Variants in CNTN4 observed in about 807,000 individuals in gnomAD.
CNTN4 encodes the protein contactin-4.
In CNTN4, 77 loss-of-function variants were observed where a neutral mutation model predicts 122.5. That is an observed-to-expected ratio of 0.63 (90% confidence interval 0.52 to 0.76). The LOEUF (loss-of-function observed/expected upper bound fraction) is 0.76, where lower values mean the gene tolerates loss of function less well. Ranked by LOEUF, CNTN4 falls within the 30% of genes least tolerant of loss-of-function variation. The pLI is 0.00. For missense variants in CNTN4, 1,256 were observed against 1,259.1 expected, an observed-to-expected ratio of 1.00 and a Z score of 0.04; for synonymous variants, 512 against 447.0, an observed-to-expected ratio of 1.15 and a Z score of -1.83.
chr3:2,781,480 A>C (rs1362450845), intron 6 of CNTN4, among the ~76,000 whole-genome samples: 1 of 152,104 alleles, frequency 6.6e-6, no homozygotes, highest in African/African-American at 2.4e-5. Flanking sequence ...GAATGTTAAT[A>C]TATTAATTGA....
At chr3:2,774,115 G>A (rs4075530) in intron 6 of CNTN4, among the ~76,000 whole-genome samples, 110,335 of 151,664 alleles carry the variant, frequency 0.73, 42,082 homozygotes, top group Non-Finnish European at 0.84. Flanking sequence ...GATAGATCAG[G>A]CCGGGTGCAG....
rs143080705 is a variant in CNTN4, at chr3:2,793,411, A to C, written c.359-26075A>C. On this transcript the variant is annotated intron_variant, in intron 6 of 24. Transcript: ENST00000418658. ...TAATGTTTCTCCATTTCTAGCTTTT[A>C]CCCACAACCACTTGGTTTATTTCCA... Among the ~76,000 whole-genome samples the C allele has an allele frequency of 1.8e-3, 272 of 152,192 alleles. 2 individuals are homozygous for C. Among genetic ancestry groups the C allele is most frequent in the Admixed American group, 0.015 (233 of 15,286 alleles).
chr3:2,203,263 C>T (rs1415469223), intron 2 of CNTN4, among the ~76,000 whole-genome samples: 2 of 152,142 alleles, frequency 1.3e-5, no homozygotes, highest in Non-Finnish European at 2.9e-5. Flanking sequence ...CACATAGTGA[C>T]TATTTGGCTC....
At chr3:2,267,828 A>G (rs1464278292) in intron 2 of CNTN4, among the ~76,000 whole-genome samples, 4 of 151,836 alleles carry the variant, frequency 2.6e-5, no homozygotes, top group East Asian at 3.9e-4. Flanking sequence ...GGAACTTTCT[A>G]TCTTTTCATC....
At chr3:2,632,419 C>T (rs1240828243) in intron 4 of CNTN4, among the ~76,000 whole-genome samples, 1 of 152,106 alleles carries the variant, frequency 6.6e-6, no homozygotes, top group Non-Finnish European at 1.5e-5. Flanking sequence ...AGGACTTTTC[C>T]TATCCTCAGG....
intron 3 of CNTN4, among the ~76,000 whole-genome samples, chr3:2,462,684 T>C (rs1230733188): frequency 1.3e-5 from 2 of 152,208 alleles, no homozygotes; most frequent in African/African-American, 2.4e-5. Context: ...CTACATTGTA[T>C]ATTTCTCACA....
At chr3:2,214,479 A>C (rs569995123) in intron 2 of CNTN4, among the ~76,000 whole-genome samples, 1 of 152,316 alleles carries the variant, frequency 6.6e-6, no homozygotes, top group East Asian at 1.9e-4. Flanking sequence ...GGTGATGTCC[A>C]TGCCTCCATC....
In CNTN4 at chr3:2,571,414, A is replaced by T; in HGVS notation, c.-88-2A>T. ...CATTGTAATGTCTCTTCTTTCCCAC[A>T]GATTAAAGGTTATACAAAACTTAAA... On this transcript the variant is annotated splice_acceptor_variant, in intron 3 of 24. Coordinates refer to ENST00000418658, the MANE Select transcript of CNTN4 (RefSeq NM_175607.3). LOFTEE classifies it low-confidence loss of function (5UTR_SPLICE). The T allele has an allele frequency of 1.1e-6, 1 of 893,646 alleles. No homozygotes were observed. The highest frequency in any genetic ancestry group is 1.3e-5 in the South Asian group (1 of 74,928). 55.4% of individuals were successfully genotyped at this position (893,646 alleles called of 1,614,324 possible).
intron 23 of CNTN4, 62 bp downstream of exon 23, chr3:3,043,766 A>G (rs1700372473): frequency 9.6e-7 from 1 of 1,046,656 alleles, no homozygotes; most frequent in Non-Finnish European, 1.5e-6. Context: ...AGTCTCCTCC[A>G]TGAATTATAC....
chr3:2,338,211 C>T (rs2044036591), intron 2 of CNTN4, among the ~76,000 whole-genome samples: 1 of 151,806 alleles, frequency 6.6e-6, no homozygotes, highest in South Asian at 2.1e-4. Context: ...TAGTCTCTAC[C>T]TTCTGGTTGT....
intron 3 of CNTN4, among the ~76,000 whole-genome samples, chr3:2,555,168 A>C (rs1010505061): frequency 6.6e-6 from 1 of 152,216 alleles, no homozygotes; most frequent in Admixed American, 6.5e-5. Flanking sequence ...TTATTGAAAT[A>C]TCTTTTTAAA....
In CNTN4 at chr3:2,879,631, T is replaced by C. The variant is rs1006666614; in HGVS notation, c.653-3514T>C. Among the ~76,000 whole-genome samples, 4 of 140,902 alleles carry C rather than the reference T, an allele frequency of 2.8e-5. No homozygotes were observed. The East Asian group carries it at 7.8e-4, about 28-fold the overall frequency. 92.4% of individuals were successfully genotyped at this position (140,902 alleles called of 152,430 possible). A position where few individuals can be genotyped will look rare whatever the true frequency, so the allele number is the denominator to read the frequency against. ...GCACAATTTAATTTATAGGAAATAT[T>C]CAGAAAAAAAGCAAATGTACAGAGA... is the stretch of plus-strand genomic sequence containing the variant. On this transcript the variant is annotated intron_variant, in intron 8 of 24. Transcript: ENST00000418658.
intron 6 of CNTN4, among the ~76,000 whole-genome samples, chr3:2,778,217 T>A (rs943308773): frequency 2.7e-5 from 3 of 112,180 alleles, no homozygotes; most frequent in Non-Finnish European, 5.5e-5. Context: ...CCGTCTCAAA[T>A]AAATAAATAA....
chr3:2,574,028 C>G (rs1244840285), intron 4 of CNTN4, among the ~76,000 whole-genome samples: 1 of 152,052 alleles, frequency 6.6e-6, no homozygotes, highest in Admixed American at 6.5e-5. Context: ...ACCAGCCTGA[C>G]CAACATGAAG....
chr3:2,442,221 TC>T (rs1161459271), intron 3 of CNTN4, among the ~76,000 whole-genome samples: 1 of 152,146 alleles, frequency 6.6e-6, no homozygotes, highest in African/African-American at 2.4e-5. Flanking sequence ...TTCTTTCCTT[TC>T]CCTCCTGTTT....
chr3:2,447,065 A>G (rs1404799264), intron 3 of CNTN4, among the ~76,000 whole-genome samples: 1 of 152,210 alleles, frequency 6.6e-6, no homozygotes, highest in African/African-American at 2.4e-5. Flanking sequence ...TGGGAGTTTC[A>G]TATGCTTGAC....
At chr3:2,620,439 G>T (rs2081949446) in intron 4 of CNTN4, among the ~76,000 whole-genome samples, 2 of 152,160 alleles carry the variant, frequency 1.3e-5, no homozygotes, top group Non-Finnish European at 2.9e-5. Context: ...GGTTGAGGCT[G>T]CAGTCAGCCA....
intron 6 of CNTN4, among the ~76,000 whole-genome samples, chr3:2,808,869 T>A (rs1264304924): frequency 6.6e-6 from 1 of 152,166 alleles, no homozygotes; most frequent in Non-Finnish European, 1.5e-5. Flanking sequence ...CATACAAAGG[T>A]CCTTTGTAGC....
chr3:2,110,056 C>T (rs1328561920), intron 2 of CNTN4, among the ~76,000 whole-genome samples: 6 of 152,152 alleles, frequency 3.9e-5, no homozygotes, highest in African/African-American at 1.2e-4. Flanking sequence ...TGTAAAATGT[C>T]TTCATTTTCT....
Sources: gnomAD v4.1 joint callset for allele counts (sites outside exome capture counted in the v4.1 genomes callset) on GRCh38, gnomAD v4.1.1 for gene constraint, MANE v1.5 for transcripts, NCBI Gene and HGNC (gene_info 2026-07-23, HGNC 2026-07-21) for gene names.